The following BMP6 variants were observed in gnomAD, a reference collection of about 807,000 sequenced individuals.
BMP6 encodes VG-1-R.
A neutral mutation model predicts 54.1 loss-of-function variants in BMP6; 17 were observed. That is an observed-to-expected ratio of 0.31 (90% CI 0.22 to 0.47). BMP6 has a LOEUF of 0.47. BMP6 is among the 20% of genes least tolerant of loss of function. The pLI is 1.00. For synonymous variants in BMP6, 328 were observed against 291.2 expected (o/e 1.13, Z -1.28); for missense variants, 720 against 690.4 (o/e 1.04, Z -0.48).
At chr6:7,838,156 A>G (rs1758903838) in intron 1 of BMP6, among the ~76,000 whole-genome samples, 1 of 152,000 alleles carries the variant, frequency 6.6e-6, no homozygotes, top group Non-Finnish European at 1.5e-5. Flanking sequence ...AGATATTTTG[A>G]AAAAGAGAGA....
intron 1 of BMP6, among the ~76,000 whole-genome samples, chr6:7,814,288 A>G (rs140744527): frequency 2.5e-4 from 38 of 152,336 alleles, no homozygotes; most frequent in African/African-American, 8.9e-4. Context: ...CACGTAACTT[A>G]ATCAGGACAT....
chr6:7,806,202 A>C (rs1322387735), intron 1 of BMP6, among the ~76,000 whole-genome samples: 1 of 152,208 alleles, frequency 6.6e-6, no homozygotes, highest in Non-Finnish European at 1.5e-5. Flanking sequence ...ACTTTCCCTC[A>C]CCCTCACACA....
intron 4 of BMP6, 66 bp downstream of exon 4, chr6:7,862,564 T>C: frequency 6.3e-7 from 1 of 1,585,392 alleles, no homozygotes; most frequent in Non-Finnish European, 8.6e-7. Flanking sequence ...AAAAGTTGTG[T>C]CCACAGTCTC....
intron 1 of BMP6, among the ~76,000 whole-genome samples, chr6:7,768,085 A>G (rs1328218508): frequency 6.6e-6 from 1 of 152,150 alleles, no homozygotes; most frequent in East Asian, 1.9e-4. Flanking sequence ...AAGAGCGGGC[A>G]GGAAGTGCGC....
intron 1 of BMP6, among the ~76,000 whole-genome samples, chr6:7,783,043 A>G (rs986819279): frequency 2.0e-5 from 3 of 152,242 alleles, no homozygotes; most frequent in African/African-American, 4.8e-5. Context: ...CAGAGTAAAA[A>G]TAAGAGATAG....
intron 1 of BMP6, among the ~76,000 whole-genome samples, chr6:7,738,690 A>T (rs561683954): frequency 1.6e-4 from 25 of 152,312 alleles, no homozygotes; most frequent in Admixed American, 1.2e-3. Flanking sequence ...TTCTTTTTAA[A>T]TTTTTTGGTA....
At chr6:7,817,071 G>GA (rs1405936308) in intron 1 of BMP6, among the ~76,000 whole-genome samples, 1 of 152,174 alleles carries the variant, frequency 6.6e-6, no homozygotes, top group Non-Finnish European at 1.5e-5. Flanking sequence ...CCACTCGAGA[G>GA]AAACCAGCTT....
chr6:7,865,682 C>A (rs1239610451), intron 4 of BMP6, among the ~76,000 whole-genome samples: 1 of 152,114 alleles, frequency 6.6e-6, no homozygotes, highest in Non-Finnish European at 1.5e-5. Flanking sequence ...GTAGACATTA[C>A]AGTAACAGAA....
chr6:7,815,633 A>G (rs567710539), intron 1 of BMP6, among the ~76,000 whole-genome samples: 1 of 152,252 alleles, frequency 6.6e-6, no homozygotes, highest in Non-Finnish European at 1.5e-5. Flanking sequence ...TGATCATAGA[A>G]GGATCACACA....
At chr6:7,731,949 T>C (rs1761866977) in intron 1 of BMP6, among the ~76,000 whole-genome samples, 1 of 152,198 alleles carries the variant, frequency 6.6e-6, no homozygotes, top group East Asian at 1.9e-4. Flanking sequence ...AAAACTCAAA[T>C]TGTGTTCAGA....
intron 2 of BMP6, among the ~76,000 whole-genome samples, chr6:7,848,818 A>G (rs529775751): frequency 3.3e-5 from 5 of 152,322 alleles, no homozygotes; most frequent in Admixed American, 6.5e-5. Flanking sequence ...TGACTTTGGT[A>G]TTAAAATTTG....
At chr6:7,873,043 C>G (rs1328425545) in intron 4 of BMP6, among the ~76,000 whole-genome samples, 1 of 152,078 alleles carries the variant, frequency 6.6e-6, no homozygotes, top group African/African-American at 2.4e-5. Context: ...TGGGTTCAAA[C>G]AGTCTTCCCA....
At chr6:7,780,511 T>C (rs536180768) in intron 1 of BMP6, among the ~76,000 whole-genome samples, 3 of 151,298 alleles carry the variant, frequency 2.0e-5, no homozygotes, top group Admixed American at 1.3e-4. Context: ...ATCGCGCCAT[T>C]GCACTCCAGC....
At chr6:7,849,398 A>G (rs1428448332) in intron 2 of BMP6, among the ~76,000 whole-genome samples, 1 of 152,176 alleles carries the variant, frequency 6.6e-6, no homozygotes, top group South Asian at 2.1e-4. Context: ...AAAGTATTAT[A>G]TATTTGTCAG....
chr6:7,785,766 C>T (rs1015440528), intron 1 of BMP6, among the ~76,000 whole-genome samples: 3 of 152,078 alleles, frequency 2.0e-5, no homozygotes, highest in African/African-American at 4.8e-5. Flanking sequence ...AGCTGTTAAG[C>T]GAATCTCCAC....
intron 1 of BMP6, among the ~76,000 whole-genome samples, chr6:7,773,511 C>T (rs1048081867): frequency 1.3e-5 from 2 of 152,162 alleles, no homozygotes; most frequent in Admixed American, 6.5e-5. Flanking sequence ...AAGCCAGTCT[C>T]TATGTCATGC....
At chr6:7,764,994 A>G (rs1450010672) in intron 1 of BMP6, among the ~76,000 whole-genome samples, 1 of 152,040 alleles carries the variant, frequency 6.6e-6, no homozygotes, top group East Asian at 1.9e-4. Flanking sequence ...TAATTCGTTG[A>G]CTTCCTGGCC....
At chr6:7,771,574 C>T (rs750331037) in intron 1 of BMP6, among the ~76,000 whole-genome samples, 2 of 152,136 alleles carry the variant, frequency 1.3e-5, no homozygotes, top group African/African-American at 2.4e-5. Context: ...CGTGGTGGAG[C>T]GGACATTAAG....
At chr6:7,804,572 C>T (rs573410898) in intron 1 of BMP6, among the ~76,000 whole-genome samples, 7 of 152,260 alleles carry the variant, frequency 4.6e-5, no homozygotes, top group South Asian at 2.1e-4. Context: ...TTTTAGAACC[C>T]GAAGACACAT....
Sources: gnomAD v4.1 joint callset for allele counts (sites outside exome capture counted in the v4.1 genomes callset) on GRCh38, gnomAD v4.1.1 for gene constraint, MANE v1.5 for transcripts, NCBI Gene and HGNC (gene_info 2026-07-23, HGNC 2026-07-21) for gene names.